Variants in HCN1 observed in about 807,000 individuals in gnomAD.
HCN1 encodes potassium/sodium hyperpolarization-activated cyclic nucleotide-gated channel 1.
A neutral mutation model predicts 78.9 loss-of-function variants in HCN1; 13 were observed. The ratio of observed to expected loss-of-function variants is 0.16; its 90% CI spans 0.11 to 0.26. The LOEUF is 0.26. HCN1 is among the 10% of genes least tolerant of loss of function. The pLI is 1.00. For synonymous variants in HCN1, 552 were observed against 455.5 expected (o/e 1.21, Z -2.70); for missense variants, 810 against 1,154.3 (o/e 0.70, Z 4.32).
chr5:45,584,955 CCT>C (rs1744176839), intron 2 of HCN1, among the ~76,000 whole-genome samples: 1 of 152,134 alleles, frequency 6.6e-6, no homozygotes, highest in Non-Finnish European at 1.5e-5. Context: ...CTCTGGCTGC[CCT>C]TAACATTTTT....
At chr5:45,644,736 A>G (rs558317696) in intron 2 of HCN1, 4 of 163,052 alleles carry the variant, frequency 2.5e-5, no homozygotes, top group Non-Finnish European at 4.0e-5. Context: ...GTTTTACCCA[A>G]TCATGAATTC....
At chr5:45,335,567 T>C (rs751195245) in intron 5 of HCN1, among the ~76,000 whole-genome samples, 3 of 152,070 alleles carry the variant, frequency 2.0e-5, no homozygotes, top group Non-Finnish European at 2.9e-5. Flanking sequence ...AGTACTGGCC[T>C]GATACCCTTT....
At chr5:45,366,416 T>G (rs1747238573) in intron 4 of HCN1, among the ~76,000 whole-genome samples, 1 of 151,778 alleles carries the variant, frequency 6.6e-6, no homozygotes, top group Non-Finnish European at 1.5e-5. Context: ...AATTATTATG[T>G]AAGCCCTGTA....
intron 1 of HCN1, among the ~76,000 whole-genome samples, chr5:45,671,149 T>C (rs1746142633): frequency 6.6e-6 from 1 of 151,676 alleles, no homozygotes; most frequent in Middle Eastern, 3.4e-3. Flanking sequence ...AATAGCCCCA[T>C]CACCCTTGCC....
intron 1 of HCN1, among the ~76,000 whole-genome samples, chr5:45,695,417 C>G (rs907019953): frequency 6.6e-6 from 1 of 152,162 alleles, no homozygotes; most frequent in Non-Finnish European, 1.5e-5. Flanking sequence ...GATCTGTCCC[C>G]GAAGTTCAGG....
intron 2 of HCN1, among the ~76,000 whole-genome samples, chr5:45,554,603 C>G (rs1316461873): frequency 6.6e-6 from 1 of 151,658 alleles, no homozygotes; most frequent in East Asian, 2.0e-4. Flanking sequence ...AAAGCTATTC[C>G]ACATTACTTA....
intron 2 of HCN1, among the ~76,000 whole-genome samples, chr5:45,585,906 C>G (rs1442362566): frequency 6.6e-6 from 1 of 152,126 alleles, no homozygotes; most frequent in African/African-American, 2.4e-5. Flanking sequence ...AGAGGAGTAC[C>G]CAGCCGTGTG....
chr5:45,445,288 A>G (rs1338833897), intron 3 of HCN1, among the ~76,000 whole-genome samples: 1 of 152,156 alleles, frequency 6.6e-6, no homozygotes, highest in Non-Finnish European at 1.5e-5. Flanking sequence ...GATTGCTAGC[A>G]CAGCAGTATG....
intron 2 of HCN1, among the ~76,000 whole-genome samples, chr5:45,491,449 G>C (rs1369586708): frequency 1.3e-5 from 2 of 151,864 alleles, no homozygotes; most frequent in African/African-American, 4.8e-5. Context: ...GAGCAGGTAG[G>C]GGCCTTTAAC....
At chr5:45,328,084 A>AGT (rs1365874656) in intron 5 of HCN1, among the ~76,000 whole-genome samples, 1 of 151,544 alleles carries the variant, frequency 6.6e-6, no homozygotes, top group Non-Finnish European at 1.5e-5. Context: ...CTCTGTGGGG[A>AGT]GTATGTCGAT....
In HCN1 at chr5:45,420,443, G is replaced by T. The variant is rs372068694; in HGVS notation, c.1012-23733C>A. Among the ~76,000 whole-genome samples, 14 of 152,254 alleles carry T rather than the reference G, an allele frequency of 9.2e-5. 1 individual carries two copies. Among genetic ancestry groups the T allele is most frequent in the African/African-American group, 2.6e-4 (11 of 41,554 alleles). ...GATGGGGCCTCTGGAAACATGTAAG[G>T]CTGTCTCAGGGGAATGTGTGCTTTT... On this transcript the variant is annotated intron_variant, in intron 3 of 7. Transcript: ENST00000303230.
intron 2 of HCN1, chr5:45,576,028 G>A (rs1743934966): frequency 6.6e-6 from 1 of 152,016 alleles, no homozygotes; most frequent in Admixed American, 6.6e-5. Context: ...TTGATGGGAG[G>A]AGGTCAAAAT....
intron 2 of HCN1, among the ~76,000 whole-genome samples, chr5:45,612,510 T>A (rs1744858216): frequency 6.6e-6 from 1 of 152,196 alleles, no homozygotes; most frequent in African/African-American, 2.4e-5. Context: ...CATACTTTTT[T>A]ATGCAATCCC....
intron 3 of HCN1, among the ~76,000 whole-genome samples, chr5:45,398,179 C>A (rs1252259932): frequency 6.6e-6 from 1 of 151,938 alleles, no homozygotes; most frequent in African/African-American, 2.4e-5. Context: ...TCATGCCAAT[C>A]TGTTTCATAC....
At chr5:45,476,812 A>C (rs182010011) in intron 2 of HCN1, among the ~76,000 whole-genome samples, 2 of 152,312 alleles carry the variant, frequency 1.3e-5, no homozygotes, top group Admixed American at 1.3e-4. Context: ...CAAGTGAAAA[A>C]TTCTGCACGA....
intron 4 of HCN1, among the ~76,000 whole-genome samples, chr5:45,396,079 G>T (rs78172730): frequency 1.3e-5 from 2 of 151,812 alleles, no homozygotes; most frequent in African/African-American, 4.8e-5. Context: ...TTATAGATGA[G>T]GGGGGGTACA....
intron 3 of HCN1, among the ~76,000 whole-genome samples, chr5:45,433,703 G>C (rs544348653): frequency 1.3e-5 from 2 of 152,192 alleles, no homozygotes; most frequent in Non-Finnish European, 2.9e-5. Flanking sequence ...GGCAAAATAT[G>C]CAATTTTTAT....
intron 1 of HCN1, among the ~76,000 whole-genome samples, chr5:45,659,732 A>G (rs1745882312): frequency 8.5e-6 from 1 of 117,652 alleles, no homozygotes; most frequent in Non-Finnish European, 1.7e-5. Context: ...AATGAAATGA[A>G]GCGAGAAGGG....
At chr5:45,318,612 G>GA (rs907176551) in intron 5 of HCN1, among the ~76,000 whole-genome samples, 302 of 149,528 alleles carry the variant, frequency 2.0e-3, no homozygotes, top group African/African-American at 5.9e-3. Context: ...AATAAAAAAA[G>GA]AAAAAAAAAG....
Sources: allele counts gnomAD v4.1 joint callset (sites outside exome capture counted in the v4.1 genomes callset), GRCh38; gene constraint gnomAD v4.1.1; transcripts MANE v1.5; gene names NCBI Gene and HGNC (gene_info 2026-07-23, HGNC 2026-07-21).